The following RIMS1 variants were observed in gnomAD, a reference collection of about 807,000 sequenced individuals.
RIMS1 encodes the protein regulating synaptic membrane exocytosis 1.
RIMS1 carries 83 observed loss-of-function variants against 214.1 expected under a neutral mutation model. The observed-to-expected ratio is 0.39, with a 90% CI of 0.32 to 0.47. RIMS1 has a LOEUF of 0.47. Among genes scored for constraint, RIMS1 ranks in the 20% least tolerant of loss-of-function variants. The probability of loss-of-function intolerance (pLI) is 0.99; values close to 1 mark genes in which losing one functional copy is unlikely to be tolerated. For missense variants in RIMS1, 2,050 were observed against 2,161.8 expected (o/e 0.95, Z 1.03); for synonymous variants, 793 against 786.8 (o/e 1.01, Z -0.13).
At chr6:72,123,972 AT>A (rs2038971680) in intron 4 of RIMS1, among the ~76,000 whole-genome samples, 1 of 151,804 alleles carries the variant, frequency 6.6e-6, no homozygotes, top group Non-Finnish European at 1.5e-5. Flanking sequence ...GCCCACTTAC[AT>A]TTAAGGTTAA....
At chr6:72,055,322 A>G (rs1411847155) in intron 2 of RIMS1, among the ~76,000 whole-genome samples, 2 of 152,198 alleles carry the variant, frequency 1.3e-5, no homozygotes, top group Non-Finnish European at 2.9e-5. Flanking sequence ...ATTTCTCACA[A>G]GTACATGAGG....
intron 4 of RIMS1, among the ~76,000 whole-genome samples, chr6:72,134,000 A>G (rs140109809): frequency 1.2e-3 from 179 of 152,202 alleles, no homozygotes; most frequent in African/African-American, 4.2e-3. Flanking sequence ...AGTAATGCCT[A>G]TTTTTCTAGG....
At chr6:72,372,137 C>G (rs1337215695) in intron 29 of RIMS1, among the ~76,000 whole-genome samples, 1 of 152,154 alleles carries the variant, frequency 6.6e-6, no homozygotes, top group African/African-American at 2.4e-5. Context: ...ATTTCTGGAT[C>G]AGAATCAGAC....
intron 30 of RIMS1, among the ~76,000 whole-genome samples, chr6:72,391,121 C>T (rs192042959): frequency 3.3e-5 from 5 of 152,266 alleles, no homozygotes; most frequent in Admixed American, 3.3e-4. Flanking sequence ...GAACTGATTT[C>T]CCATTTTCTT....
intron 1 of RIMS1, among the ~76,000 whole-genome samples, chr6:71,945,538 T>C (rs1171120357): frequency 2.0e-5 from 3 of 152,138 alleles, no homozygotes; most frequent in Non-Finnish European, 4.4e-5. Context: ...AGATCATGTA[T>C]GACAAGCCCA....
chr6:72,171,667 T>C (rs1461923056), intron 4 of RIMS1, among the ~76,000 whole-genome samples: 9 of 152,214 alleles, frequency 5.9e-5, no homozygotes, highest in Non-Finnish European at 7.4e-5. Flanking sequence ...CCTGAGTGAA[T>C]TGCAAGTAAG....
At chr6:72,237,767 A>G in intron 8 of RIMS1, 56 bp from the exon 9 acceptor site, 4 of 1,201,288 alleles carry the variant, frequency 3.3e-6, no homozygotes, top group Non-Finnish European at 4.9e-6. Context: ...TCCTCAAACT[A>G]ATAAGCTTAT....
chr6:72,272,361 A>G (rs1007658924), intron 22 of RIMS1, among the ~76,000 whole-genome samples: 1 of 152,138 alleles, frequency 6.6e-6, no homozygotes, highest in African/African-American at 2.4e-5. Context: ...CTTAAGTGAC[A>G]TCTTTTCTTA....
chr6:72,314,732 G>C (rs2095676807), intron 28 of RIMS1, among the ~76,000 whole-genome samples: 1 of 152,106 alleles, frequency 6.6e-6, no homozygotes, highest in Non-Finnish European at 1.5e-5. Context: ...GGGGTAAGAA[G>C]TATTCTTATA....
chr6:72,232,524 G>A (rs2154081703), intron 6 of RIMS1, among the ~76,000 whole-genome samples: 1 of 151,736 alleles, frequency 6.6e-6, no homozygotes, highest in African/African-American at 2.4e-5. Context: ...CATTTTTAAA[G>A]TATGTGATTT....
At chr6:72,343,611 C>T (rs1403554879) in intron 29 of RIMS1, among the ~76,000 whole-genome samples, 2 of 146,916 alleles carry the variant, frequency 1.4e-5, no homozygotes, top group Non-Finnish European at 3.0e-5. Flanking sequence ...ACACCTGGCT[C>T]ATTCTTTTTC....
At chr6:71,919,065 A>G (rs1030784759) in intron 1 of RIMS1, among the ~76,000 whole-genome samples, 3 of 152,168 alleles carry the variant, frequency 2.0e-5, no homozygotes, top group African/African-American at 7.2e-5. Flanking sequence ...GGTTTCAGGA[A>G]TATAAATTAT....
intron 29 of RIMS1, among the ~76,000 whole-genome samples, chr6:72,363,027 C>T (rs2097876177): frequency 6.6e-6 from 1 of 152,150 alleles, no homozygotes; most frequent in South Asian, 2.1e-4. Flanking sequence ...GGATGGTCAT[C>T]TCAAATGCAT....
At chr6:72,189,193 C>T (rs1375759235) in intron 6 of RIMS1, among the ~76,000 whole-genome samples, 1 of 152,266 alleles carries the variant, frequency 6.6e-6, no homozygotes, top group South Asian at 2.1e-4. Context: ...GACACTGATT[C>T]AGAGCATACA....
At chr6:72,265,832 G>A in intron 21 of RIMS1, 128 bp from the exon 22 acceptor site, 1 of 665,304 alleles carries the variant, frequency 1.5e-6, no homozygotes, top group Non-Finnish European at 2.6e-6. Context: ...CTTATGAACT[G>A]AATCCCAGTG....
chr6:72,071,068 A>G (rs920886920), intron 2 of RIMS1, among the ~76,000 whole-genome samples: 6 of 152,208 alleles, frequency 3.9e-5, no homozygotes, highest in Admixed American at 3.3e-4. Flanking sequence ...TGGTGATGAG[A>G]ACAGAATATA....
At chr6:72,055,612 T>C (rs1825947122) in intron 2 of RIMS1, among the ~76,000 whole-genome samples, 1 of 152,224 alleles carries the variant, frequency 6.6e-6, no homozygotes, top group African/African-American at 2.4e-5. Context: ...CCTCCAGTTT[T>C]TGTCCATTCA....
chr6:72,222,319 G>T (rs1056983834), intron 6 of RIMS1, among the ~76,000 whole-genome samples: 8 of 151,958 alleles, frequency 5.3e-5, no homozygotes, highest in African/African-American at 1.9e-4. Context: ...AAAAGACATT[G>T]ATTTAAGAAT....
At chr6:72,045,064 A>G (rs1163038846) in intron 2 of RIMS1, among the ~76,000 whole-genome samples, 1 of 151,998 alleles carries the variant, frequency 6.6e-6, no homozygotes, top group African/African-American at 2.4e-5. Context: ...GACGAATATC[A>G]AAAACGTCAT....
Sources: allele counts gnomAD v4.1 joint callset (sites outside exome capture counted in the v4.1 genomes callset), GRCh38; gene constraint gnomAD v4.1.1; transcripts MANE v1.5; gene names NCBI Gene and HGNC (gene_info 2026-07-23, HGNC 2026-07-21).